Variants in DDHD1 observed in about 807,000 individuals in gnomAD.
DDHD1 encodes phospholipase DDHD1.
Under a neutral mutation model 96.4 loss-of-function variants are expected in DDHD1, and 49 were observed. That is an observed-to-expected ratio of 0.51 (90% CI 0.40 to 0.64). The LOEUF is 0.64. Among genes scored for constraint, DDHD1 ranks in the 30% least tolerant of loss-of-function variants. The probability of loss-of-function intolerance (pLI) is 0.00; values close to 1 mark genes in which losing one functional copy is unlikely to be tolerated. For missense variants in DDHD1, 1,106 were observed against 1,161.2 expected, an observed-to-expected ratio of 0.95 and a Z score of 0.69; for synonymous variants, 442 against 446.5, an observed-to-expected ratio of 0.99 and a Z score of 0.13.
chr14:53,096,747 TTTCTC>T (rs1481359394), intron 2 of DDHD1, among the ~76,000 whole-genome samples: 1 of 152,006 alleles, frequency 6.6e-6, no homozygotes, highest in African/African-American at 2.4e-5. Context: ...AAAAAATTCT[TTTCTC>T]AACTCCATTC....
intron 4 of DDHD1, among the ~76,000 whole-genome samples, chr14:53,089,318 A>C (rs1486713528): frequency 6.6e-6 from 1 of 152,322 alleles, no homozygotes; most frequent in East Asian, 1.9e-4. Context: ...AAACTACTCT[A>C]AAGTTCATAT....
chr14:53,130,928 T>TA (rs1889819305), intron 1 of DDHD1, among the ~76,000 whole-genome samples: 1 of 152,194 alleles, frequency 6.6e-6, no homozygotes, highest in African/African-American at 2.4e-5. Context: ...GGGTAACTCT[T>TA]ACAGTGGAGG....
At chr14:53,072,544 T>C in intron 6 of DDHD1, 53 bp downstream of exon 6, 5 of 1,047,092 alleles carry the variant, frequency 4.8e-6, no homozygotes, top group South Asian at 4.0e-5. Context: ...ATTCAGGACA[T>C]TTATAAGCTA....
chr14:53,094,426 G>A (rs1248388144), intron 2 of DDHD1, among the ~76,000 whole-genome samples: 1 of 152,172 alleles, frequency 6.6e-6, no homozygotes, highest in Non-Finnish European at 1.5e-5. Flanking sequence ...GGTTGGCTGG[G>A]TGCAGTCAGT....
Position 53,054,588 on chromosome 14 carries a change from A to C in DDHD1, c.2287T>G (p.Ser763Ala), listed in dbSNP as rs756087924. Reference sequence around the variant, plus strand: ...GTTGTAGATGAACGTCCAAATCTTGAGAACAACATTCCTCCAAGTCCCTTT... The same window carrying C: ...GTTGTAGATGAACGTCCAAATCTTGCGAACAACATTCCTCCAAGTCCCTTT... ...IGKGLGGMLFSRFGRSSTTQS... is the reference protein window; with the variant it reads ...IGKGLGGMLFARFGRSSTTQS... Residue 763 changes from serine to alanine, a missense_variant, in exon 11 of 13, where the codon TCA (serine) becomes GCA (alanine). Coordinates refer to ENST00000673822, the MANE Select transcript of DDHD1 (RefSeq NM_001160148.2). 1 of 1,614,072 alleles carries C rather than the reference A, an allele frequency of 6.2e-7. No homozygotes were observed. Among genetic ancestry groups the C allele is most frequent in the East Asian group, 2.2e-5 (1 of 44,880 alleles).
chr14:53,095,534 A>G (rs74051105), intron 2 of DDHD1, among the ~76,000 whole-genome samples: 75 of 152,286 alleles, frequency 4.9e-4, no homozygotes, highest in African/African-American at 1.7e-3. Flanking sequence ...TGAAAAACCA[A>G]TTTATATTTT....
At chr14:53,063,294 A>C in intron 6 of DDHD1, 89 bp from the exon 7 acceptor site, 1 of 1,411,822 alleles carries the variant, frequency 7.1e-7, no homozygotes, top group Non-Finnish European at 9.5e-7. Context: ...AGGTAGAAAA[A>C]CATACATTAC....
chr14:53,103,803 G>A lies in DDHD1; in HGVS notation c.892C>T (p.Gln298Ter). ...RGQWFIDGTW[Q>*]PLEEEESNLI... ...TTACTTTCTTCCTCTTCTAGAGGCT[G>A]CCAAGTGCCGTCAATAAACCACTGT... Residue 298 changes from glutamine to a stop codon, truncating the protein, a stop_gained, in exon 2 of 13, where the codon CAG (glutamine) becomes TAG (stop). Transcript: ENST00000673822. LOFTEE classifies it high-confidence loss of function. 1 of 1,612,524 alleles carries A rather than the reference G, an allele frequency of 6.2e-7. No individual in the cohort carries two copies. The highest frequency in any genetic ancestry group is 8.5e-7 in the Non-Finnish European group (1 of 1,179,492).
chr14:53,082,442 C>CTTT (rs35059788), intron 4 of DDHD1, among the ~76,000 whole-genome samples: 19 of 121,896 alleles, frequency 1.6e-4, no homozygotes, highest in African/African-American at 2.3e-4. Flanking sequence ...TCCAAGATAC[C>CTTT]TTTTTTTTTT....
At chr14:53,090,455 C>A (rs137894726) in intron 4 of DDHD1, among the ~76,000 whole-genome samples, 2,152 of 152,172 alleles carry the variant, frequency 0.014, 15 homozygotes, top group Non-Finnish European at 0.02. Flanking sequence ...TTCACAATAG[C>A]AAAGACTTGG....
intron 12 of DDHD1, among the ~76,000 whole-genome samples, chr14:53,049,481 T>C (rs1466697279): frequency 1.3e-5 from 2 of 151,684 alleles, no homozygotes; most frequent in Non-Finnish European, 2.9e-5. Flanking sequence ...CCCAAGGGAG[T>C]GAGGGTCTAC....
chr14:53,099,970 T>C (rs1887176549), intron 2 of DDHD1, among the ~76,000 whole-genome samples: 1 of 152,094 alleles, frequency 6.6e-6, no homozygotes, highest in African/African-American at 2.4e-5. Context: ...TTGAGATTAG[T>C]AAGGAAAGTT....
At chr14:53,129,629 C>T (rs1001657456) in intron 1 of DDHD1, among the ~76,000 whole-genome samples, 5 of 143,582 alleles carry the variant, frequency 3.5e-5, no homozygotes, top group African/African-American at 1.2e-4. Context: ...AAGCACCACC[C>T]TCCCGCCCAT....
Position 53,148,016 on chromosome 14 carries a change from T to C in DDHD1, c.838+4245A>G, listed in dbSNP as rs143922125. 1.1e-4 allele frequency among the ~76,000 whole-genome samples: 17 copies of C among 152,340 alleles called. No individual in the cohort carries two copies. The East Asian group carries it at 2.9e-3, about 26-fold the overall frequency. On this transcript the variant is annotated intron_variant, in intron 1 of 12. Transcript: ENST00000673822. ...GCTCTAATTTTTTAATCTCATTTTA[T>C]TGGTAATATAATCTTCCCGTTGTTG...
At chr14:53,126,452 C>T (rs529928149) in intron 1 of DDHD1, among the ~76,000 whole-genome samples, 151 of 152,304 alleles carry the variant, frequency 9.9e-4, no homozygotes, top group African/African-American at 3.5e-3. Flanking sequence ...ACTGCAGCCT[C>T]GACTTCCCGG....
At chr14:53,053,265 G>T (rs781166622) in intron 11 of DDHD1, 7 of 151,976 alleles carry the variant, frequency 4.6e-5, no homozygotes, top group Admixed American at 6.6e-5. Context: ...TCACATTTTT[G>T]ATATTAAGTA....
intron 1 of DDHD1, among the ~76,000 whole-genome samples, chr14:53,139,977 G>C (rs1890531449): frequency 6.6e-6 from 1 of 151,942 alleles, no homozygotes; most frequent in African/African-American, 2.4e-5. Context: ...TGTATAATTA[G>C]ATGAGAAATT....
At chr14:53,063,775 A>C (rs1883796530) in intron 6 of DDHD1, among the ~76,000 whole-genome samples, 1 of 152,156 alleles carries the variant, frequency 6.6e-6, no homozygotes, top group East Asian at 1.9e-4. Context: ...CTAAGTTGGC[A>C]ATACAGATAT....
Position 53,113,367 on chromosome 14 carries a change from A to T in DDHD1, c.839-9511T>A, listed in dbSNP as rs528214416. ...TCTTTTTCTTTTTTTTTTCTTTTTAAAAAAAAAAACCCCTGTACAAGCCAA... is the reference window on the plus strand; with the variant it reads ...TCTTTTTCTTTTTTTTTTCTTTTTATAAAAAAAAACCCCTGTACAAGCCAA... On this transcript the variant is annotated intron_variant, in intron 1 of 12. Transcript: ENST00000673822. Among the ~76,000 whole-genome samples the T allele has an allele frequency of 2.0e-3, 288 of 142,230 alleles. 3 individuals are homozygous for T. The highest frequency in any genetic ancestry group is 3.6e-3 in the Admixed American group (51 of 13,974). The allele number at this position is 142,230 out of a possible 152,430, so 93.3% of individuals were successfully genotyped here.
Sources: allele counts gnomAD v4.1 joint callset (sites outside exome capture counted in the v4.1 genomes callset), GRCh38; gene constraint gnomAD v4.1.1; transcripts MANE v1.5; gene names NCBI Gene and HGNC (gene_info 2026-07-23, HGNC 2026-07-21).